RPS6KA5: variants seen among roughly 807,000 people sequenced by gnomAD.
The protein encoded by RPS6KA5 is ribosomal protein S6 kinase A5.
RPS6KA5 carries 27 observed loss-of-function variants against 85.5 expected under a neutral mutation model. That is an observed-to-expected ratio of 0.32 (90% CI 0.23 to 0.44). RPS6KA5 has a LOEUF of 0.44. RPS6KA5 is among the 20% of genes least tolerant of loss of function. The probability of loss-of-function intolerance (pLI) is 1.00; values close to 1 mark genes in which losing one functional copy is unlikely to be tolerated. For missense variants in RPS6KA5, 811 were observed against 980.9 expected, an observed-to-expected ratio of 0.83 and a Z score of 2.31; for synonymous variants, 334 against 348.2, an observed-to-expected ratio of 0.96 and a Z score of 0.46.
chr14:90,987,578 C>T (rs1344386458), intron 2 of RPS6KA5, among the ~76,000 whole-genome samples: 1 of 152,180 alleles, frequency 6.6e-6, no homozygotes, highest in Non-Finnish European at 1.5e-5. Flanking sequence ...TCACAAATTA[C>T]ATTTCAAGAT....
rs575657785 is a variant in RPS6KA5 at position 90,996,194 on chromosome 14, T to G, written c.175+4894A>C. Among the ~76,000 whole-genome samples, 52 of 136,688 alleles carry G rather than the reference T, an allele frequency of 3.8e-4. 1 individual carries two copies. The East Asian group carries it at 5.8e-3, about 15-fold the overall frequency. The allele number at this position is 136,688 out of a possible 152,430, so 89.7% of individuals were successfully genotyped here. A position where few individuals can be genotyped will look rare whatever the true frequency, so the allele number is the denominator to read the frequency against. Reference sequence around the variant, plus strand: ...AGCCCAGGCTAATTTGTTTTTTTTGTTTTTTTTTTTGTTTTTTTTTTCAGT... The same window carrying G: ...AGCCCAGGCTAATTTGTTTTTTTTGGTTTTTTTTTTGTTTTTTTTTTCAGT... On this transcript the variant is annotated intron_variant, in intron 2 of 16. Coordinates refer to ENST00000614987, the MANE Select transcript of RPS6KA5 (RefSeq NM_004755.4).
intron 2 of RPS6KA5, among the ~76,000 whole-genome samples, chr14:90,980,958 G>A (rs1276762905): frequency 6.6e-6 from 1 of 152,118 alleles, no homozygotes; most frequent in Non-Finnish European, 1.5e-5. Context: ...GATCACCTGA[G>A]GTCAGGAGTT....
chr14:90,915,739 G>C (rs1360562534), intron 7 of RPS6KA5, among the ~76,000 whole-genome samples: 1 of 152,038 alleles, frequency 6.6e-6, no homozygotes, highest in African/African-American at 2.4e-5. Flanking sequence ...TTGGGAGGCA[G>C]AGGTTGCAGT....
rs1319215445 is a variant in RPS6KA5, at chr14:90,858,476, T to G, written c.*13598A>C. On this transcript the variant is annotated 3_prime_UTR_variant, in exon 17 of 17. Coordinates refer to ENST00000614987, the MANE Select transcript of RPS6KA5 (RefSeq NM_004755.4). ...AATACCACTACTAAGAACAGAATGC[T>G]ATAAAGAGAACGATGTCCTTTTTTT... 1 of 152,214 alleles carries G rather than the reference T, an allele frequency of 6.6e-6. No homozygotes were observed. Among genetic ancestry groups the G allele is most frequent in the African/African-American group, 2.4e-5 (1 of 41,466 alleles). 9.4% of individuals were successfully genotyped at this position (152,214 alleles called of 1,614,324 possible). A position where few individuals can be genotyped will look rare whatever the true frequency, so the allele number is the denominator to read the frequency against.
chr14:90,932,080 T>C (rs2037012605), intron 5 of RPS6KA5, among the ~76,000 whole-genome samples: 1 of 152,230 alleles, frequency 6.6e-6, no homozygotes, highest in Non-Finnish European at 1.5e-5. Flanking sequence ...GAGAAAACCA[T>C]ATAATCAGGT....
intron 3 of RPS6KA5, among the ~76,000 whole-genome samples, chr14:90,973,556 C>T (rs367697661): frequency 6.6e-6 from 1 of 151,926 alleles, no homozygotes; most frequent in Non-Finnish European, 1.5e-5. Context: ...CAAGTTATCC[C>T]TGAAGCATCC....
At chr14:90,905,962 A>G (rs1187855559) in intron 8 of RPS6KA5, among the ~76,000 whole-genome samples, 187 bp downstream of exon 8, 1 of 152,212 alleles carries the variant, frequency 6.6e-6, no homozygotes. Flanking sequence ...TTATACAAGT[A>G]GAATTTTGGC....
At chr14:91,038,358 G>C (rs974404759) in intron 1 of RPS6KA5, among the ~76,000 whole-genome samples, 1 of 152,176 alleles carries the variant, frequency 6.6e-6, no homozygotes. Flanking sequence ...GTTGGTTAAA[G>C]AGTCTGTATA....
At chr14:91,029,863 T>A (rs2042117358) in intron 1 of RPS6KA5, among the ~76,000 whole-genome samples, 1 of 152,144 alleles carries the variant, frequency 6.6e-6, no homozygotes, top group South Asian at 2.1e-4. Context: ...CTTATTGACT[T>A]CCAATTTTAA....
rs2032963653 is a variant in RPS6KA5, at chr14:90,869,504, T to C, written c.*2570A>G. The C allele has an allele frequency of 1.3e-5, 2 of 152,178 alleles. No individual in the cohort carries two copies. Among genetic ancestry groups the C allele is most frequent in the South Asian group, 4.1e-4 (2 of 4,828 alleles). The allele number at this position is 152,178 out of a possible 1,614,324, so 9.4% of individuals were successfully genotyped here. ...ATCAGGATTTATGTTGGCATGAAAA[T>C]TATATGCAATACAATCAGTAAGTGA... On this transcript the variant is annotated 3_prime_UTR_variant, in exon 17 of 17. Transcript: ENST00000614987.
intron 3 of RPS6KA5, among the ~76,000 whole-genome samples, chr14:90,974,393 T>A (rs902382371): frequency 6.6e-6 from 1 of 152,234 alleles, no homozygotes; most frequent in African/African-American, 2.4e-5. Flanking sequence ...CTGTAAAGCA[T>A]AATTATGTTA....
chr14:90,855,367 A>T lies in RPS6KA5; in HGVS notation c.*16707T>A, dbSNP rs1386748114. 6.6e-6 allele frequency: 1 copy of T among 152,220 alleles called. No homozygotes were observed. The highest frequency in any genetic ancestry group is 1.5e-5 in the Non-Finnish European group (1 of 68,036). 9.4% of individuals were successfully genotyped at this position (152,220 alleles called of 1,614,324 possible). A position where few individuals can be genotyped will look rare whatever the true frequency, so the allele number is the denominator to read the frequency against. ...AGACAAAGTTAACATAGGTAAGATG[A>T]GAGAGATTTTAGAAAAGTGCTCACC... On this transcript the variant is annotated 3_prime_UTR_variant, in exon 17 of 17. Coordinates refer to ENST00000614987, the MANE Select transcript of RPS6KA5 (RefSeq NM_004755.4).
chr14:90,853,573 C>G lies in RPS6KA5; in HGVS notation c.*18501G>C, dbSNP rs2032117497. On this transcript the variant is annotated 3_prime_UTR_variant, in exon 17 of 17. Coordinates refer to ENST00000614987, the MANE Select transcript of RPS6KA5 (RefSeq NM_004755.4). ...GGGCACAGTGGCTCACGCCTGTAAT[C>G]CCAGCACTTTGGGAGGCCGAGGCAG... 2 of 151,322 alleles carry G rather than the reference C, an allele frequency of 1.3e-5. No individual in the cohort carries two copies. The highest frequency in any genetic ancestry group is 4.2e-4 in the South Asian group (2 of 4,794). The allele number at this position is 151,322 out of a possible 1,614,324, so 9.4% of individuals were successfully genotyped here.
intron 5 of RPS6KA5, among the ~76,000 whole-genome samples, chr14:90,926,697 ACAT>A (rs2036691814): frequency 8.0e-6 from 1 of 124,370 alleles, no homozygotes; most frequent in Non-Finnish European, 1.7e-5. Context: ...GTGTGTGTGT[ACAT>A]ATCTCACAGG....
intron 3 of RPS6KA5, among the ~76,000 whole-genome samples, chr14:90,965,846 A>C (rs1330903954): frequency 1.3e-5 from 2 of 152,178 alleles, no homozygotes; most frequent in Non-Finnish European, 2.9e-5. Context: ...ATGGAACCCA[A>C]AGGAAGTAGG....
intron 7 of RPS6KA5, among the ~76,000 whole-genome samples, chr14:90,912,991 A>C (rs1595196065): frequency 7.1e-6 from 1 of 140,748 alleles, no homozygotes; most frequent in Admixed American, 7.5e-5. Context: ...GCTCACTGCA[A>C]CCTCCGCCTC....
intron 7 of RPS6KA5, among the ~76,000 whole-genome samples, chr14:90,912,904 CTTTTTTTTTTTT>C (rs57029403): frequency 1.9e-5 from 1 of 53,298 alleles, no homozygotes; most frequent in Non-Finnish European, 3.2e-5. Flanking sequence ...CATAAAGCAT[CTTTTTTTTTTTT>C]TTTTTTTTTT....
At position 90,865,165 on chromosome 14, in the gene RPS6KA5, CAA is replaced by C. The variant is rs1476469138; in HGVS notation, c.*6907_*6908del. On this transcript the variant is annotated 3_prime_UTR_variant, in exon 17 of 17. Coordinates refer to ENST00000614987, the MANE Select transcript of RPS6KA5 (RefSeq NM_004755.4). ...GCTGTTTCACTTTTAAGTGGACACA[CAA>C]GAGAAATGAGTGTACGTGTCCATTA... 6.6e-6 allele frequency: 1 copy of C among 152,090 alleles called. No individual in the cohort carries two copies. Among genetic ancestry groups the C allele is most frequent in the African/African-American group, 2.4e-5 (1 of 41,396 alleles). The allele number at this position is 152,090 out of a possible 1,614,324, so 9.4% of individuals were successfully genotyped here. A position where few individuals can be genotyped will look rare whatever the true frequency, so the allele number is the denominator to read the frequency against.
intron 5 of RPS6KA5, among the ~76,000 whole-genome samples, chr14:90,930,813 G>A (rs941309411): frequency 2.6e-5 from 4 of 152,090 alleles, no homozygotes; most frequent in Admixed American, 2.0e-4. Context: ...AGAGATAAAC[G>A]CGAATCAGAA....
Sources: gnomAD v4.1 joint callset for allele counts (sites outside exome capture counted in the v4.1 genomes callset) on GRCh38, gnomAD v4.1.1 for gene constraint, MANE v1.5 for transcripts, NCBI Gene and HGNC (gene_info 2026-07-23, HGNC 2026-07-21) for gene names.